SPAG16: variants seen among roughly 807,000 people sequenced by gnomAD.
SPAG16 encodes the protein sperm-associated antigen 16 protein.
In SPAG16, 86 loss-of-function variants were observed where a neutral mutation model predicts 80.4. The ratio of observed to expected loss-of-function variants is 1.07; its 90% CI spans 0.90 to 1.28. The LOEUF (loss-of-function observed/expected upper bound fraction) is 1.28, where lower values mean the gene tolerates loss of function less well. SPAG16 is among the 50% of genes most tolerant of loss of function. The pLI is 0.00. For synonymous variants in SPAG16, 294 were observed against 265.9 expected, an observed-to-expected ratio of 1.11 and a Z score of -1.03; for missense variants, 870 against 765.3, an observed-to-expected ratio of 1.14 and a Z score of -1.61.
At chr2:213,980,871 T>C (rs913271629) in intron 12 of SPAG16, among the ~76,000 whole-genome samples, 4 of 151,004 alleles carry the variant, frequency 2.6e-5, no homozygotes, top group Non-Finnish European at 5.9e-5. Flanking sequence ...ATCACACCAC[T>C]GCACTACAGT....
intron 15 of SPAG16, among the ~76,000 whole-genome samples, chr2:214,322,194 C>A (rs1696142083): frequency 6.6e-6 from 1 of 152,172 alleles, no homozygotes; most frequent in Non-Finnish European, 1.5e-5. Context: ...CCCCTGGCTG[C>A]AAGTTAGAAT....
rs1437799391 is a variant in SPAG16, at chr2:213,622,806, T to C, written c.1070+132716T>C. Reference sequence around the variant, plus strand: ...TGGTAGAAAAAATTAGGAGTGCCACTTGGGCCTTGTTTTGTTTTGTGTGTG... The same window carrying C: ...TGGTAGAAAAAATTAGGAGTGCCACCTGGGCCTTGTTTTGTTTTGTGTGTG... On this transcript the variant is annotated intron_variant, in intron 10 of 15. Coordinates refer to ENST00000331683, the MANE Select transcript of SPAG16 (RefSeq NM_024532.5). Among the ~76,000 whole-genome samples the C allele has an allele frequency of 3.3e-5, 5 of 151,124 alleles. No individual in the cohort carries two copies. The East Asian group carries it at 9.7e-4, about 29-fold the overall frequency.
chr2:213,503,811 C>T (rs1198496110), intron 10 of SPAG16, among the ~76,000 whole-genome samples: 2 of 151,864 alleles, frequency 1.3e-5, no homozygotes, highest in Non-Finnish European at 2.9e-5. Context: ...GGAAATGTAA[C>T]CGGACCCAGG....
At position 214,177,900 on chromosome 2, in the gene SPAG16, CAT is replaced by C. The variant is rs373584812; in HGVS notation, c.1720+28648_1720+28649del. Among the ~76,000 whole-genome samples, 24 of 63,940 alleles carry C rather than the reference CAT, an allele frequency of 3.8e-4. 1 individual carries two copies. The highest frequency in any genetic ancestry group is 1.2e-3 in the East Asian group (3 of 2,416). 41.9% of individuals were successfully genotyped at this position (63,940 alleles called of 152,430 possible). A position where few individuals can be genotyped will look rare whatever the true frequency, so the allele number is the denominator to read the frequency against. ...GTTAAAAAAGCAGAATATATATATACATATATATATATATACATATATATATA... is the reference window on the plus strand; with the variant it reads ...GTTAAAAAAGCAGAATATATATATACATATATATATATACATATATATATA... On this transcript the variant is annotated intron_variant, in intron 15 of 15. Transcript: ENST00000331683.
chr2:213,363,846 T>C (rs1458314585), intron 7 of SPAG16, among the ~76,000 whole-genome samples: 2 of 152,100 alleles, frequency 1.3e-5, no homozygotes, highest in African/African-American at 2.4e-5. Flanking sequence ...AATAAATGTT[T>C]CAGATGCTTA....
intron 15 of SPAG16, among the ~76,000 whole-genome samples, chr2:214,380,238 G>A (rs192746075): frequency 3.3e-5 from 5 of 152,266 alleles, no homozygotes; most frequent in Non-Finnish European, 5.9e-5. Context: ...TGTTGTTCAC[G>A]GGGTAGAAAC....
At chr2:213,679,207 A>G (rs1029820554) in intron 10 of SPAG16, among the ~76,000 whole-genome samples, 3 of 152,214 alleles carry the variant, frequency 2.0e-5, no homozygotes, top group Admixed American at 2.0e-4. Context: ...AAGTTTGCTT[A>G]ACATTATCTA....
At chr2:213,686,322 T>C (rs1032034246) in intron 10 of SPAG16, among the ~76,000 whole-genome samples, 9 of 152,200 alleles carry the variant, frequency 5.9e-5, no homozygotes, top group Non-Finnish European at 1.0e-4. Flanking sequence ...TTTCACTATA[T>C]TGGCCAAGCT....
chr2:213,371,420 AAAAG>A (rs1245727694), intron 8 of SPAG16, among the ~76,000 whole-genome samples: 6 of 10,058 alleles, frequency 6.0e-4, no homozygotes, highest in Non-Finnish European at 1.7e-3. Flanking sequence ...AAAAAAAAAG[AAAAG>A]AAAAGACGAT....
At chr2:213,879,228 G>T (rs1433365382) in intron 11 of SPAG16, among the ~76,000 whole-genome samples, 1 of 151,732 alleles carries the variant, frequency 6.6e-6, no homozygotes, top group East Asian at 1.9e-4. Context: ...TTAAACTGTA[G>T]ATTGCTTTGG....
intron 10 of SPAG16, among the ~76,000 whole-genome samples, chr2:213,546,234 T>C (rs1375595339): frequency 6.6e-6 from 1 of 152,144 alleles, no homozygotes; most frequent in African/African-American, 2.4e-5. Flanking sequence ...TTAGGCTTGC[T>C]CTCTTCTGTT....
At chr2:214,330,584 C>G (rs920320611) in intron 15 of SPAG16, among the ~76,000 whole-genome samples, 2 of 152,258 alleles carry the variant, frequency 1.3e-5, no homozygotes, top group East Asian at 3.9e-4. Flanking sequence ...GTTGATCCTA[C>G]GGAACATCTG....
In SPAG16 at chr2:214,235,001, T is replaced by A. The variant is rs564012479; in HGVS notation, c.1720+85735T>A. On this transcript the variant is annotated intron_variant, in intron 15 of 15. Coordinates refer to ENST00000331683, the MANE Select transcript of SPAG16 (RefSeq NM_024532.5). ...CTTTTCAGAAATATTGAGGTCATAG[T>A]CTGGAATATTATGAAAGATTCTTTC... Among the ~76,000 whole-genome samples, 3 of 152,252 alleles carry A rather than the reference T, an allele frequency of 2.0e-5. No homozygotes were observed. The East Asian group carries it at 5.8e-4, about 29-fold the overall frequency.
In SPAG16 at chr2:213,416,259, C is replaced by G. The variant is rs184660586; in HGVS notation, c.942+41140C>G. On this transcript the variant is annotated intron_variant, in intron 9 of 15. Coordinates refer to ENST00000331683, the MANE Select transcript of SPAG16 (RefSeq NM_024532.5). ...ATGCAGAGGCTTTAAATGCAACCAA[C>G]TCTGCCACACACATATGCATTGTCT... 2.6e-5 allele frequency among the ~76,000 whole-genome samples: 4 copies of G among 152,324 alleles called. No homozygotes were observed. In the East Asian group the frequency reaches 7.7e-4, roughly 29 times the overall value.
At chr2:213,468,670 GTATA>G (rs541436096) in intron 9 of SPAG16, among the ~76,000 whole-genome samples, 1 of 145,700 alleles carries the variant, frequency 6.9e-6, no homozygotes, top group Non-Finnish European at 1.5e-5. Context: ...GTGTGTGTGT[GTATA>G]TATATGTGTG....
intron 2 of SPAG16, chr2:213,297,020 A>G: frequency 7.8e-7 from 1 of 1,286,218 alleles, no homozygotes; most frequent in Non-Finnish European, 1.0e-6. Flanking sequence ...TTTCTATTAT[A>G]GATAAAAGCA....
intron 14 of SPAG16, among the ~76,000 whole-genome samples, chr2:214,144,789 T>C (rs1355247063): frequency 1.3e-5 from 2 of 152,096 alleles, no homozygotes; most frequent in Non-Finnish European, 2.9e-5. Context: ...ATATATAACA[T>C]ACGTGTATAT....
intron 15 of SPAG16, among the ~76,000 whole-genome samples, chr2:214,402,180 A>C (rs994435475): frequency 6.6e-6 from 1 of 152,056 alleles, no homozygotes; most frequent in African/African-American, 2.4e-5. Context: ...TTATTTAATA[A>C]ATTTCATAAC....
chr2:213,660,277 T>C (rs551249221), intron 10 of SPAG16, among the ~76,000 whole-genome samples: 1 of 151,976 alleles, frequency 6.6e-6, no homozygotes, highest in African/African-American at 2.4e-5. Context: ...TTGTTGTTTT[T>C]TTTTTTTTTC....
Sources: allele counts gnomAD v4.1 joint callset (sites outside exome capture counted in the v4.1 genomes callset), GRCh38; gene constraint gnomAD v4.1.1; transcripts MANE v1.5; gene names NCBI Gene and HGNC (gene_info 2026-07-23, HGNC 2026-07-21).